ROBO1: variants seen among roughly 807,000 people sequenced by gnomAD.
ROBO1 encodes roundabout homolog 1.
In ROBO1, 149 loss-of-function variants were observed where a neutral mutation model predicts 195.9. That is an observed-to-expected ratio of 0.76 (90% CI 0.67 to 0.87). The LOEUF is 0.87. Ranked by LOEUF, ROBO1 falls within the 40% of genes least tolerant of loss-of-function variation. The pLI is 0.00. For missense variants in ROBO1, 1,933 were observed against 2,068.3 expected, an observed-to-expected ratio of 0.93 and a Z score of 1.27; for synonymous variants, 816 against 733.2, an observed-to-expected ratio of 1.11 and a Z score of -1.82.
At chr3:79,075,006 G>C (rs2079148682) in intron 3 of ROBO1, among the ~76,000 whole-genome samples, 1 of 151,790 alleles carries the variant, frequency 6.6e-6, no homozygotes, top group African/African-American at 2.4e-5. Flanking sequence ...ACAAGATAGA[G>C]GATATTAATA....
intron 2 of ROBO1, among the ~76,000 whole-genome samples, chr3:79,166,664 C>T (rs1325447134): frequency 6.6e-6 from 1 of 150,950 alleles, no homozygotes; most frequent in Non-Finnish European, 1.5e-5. Flanking sequence ...CTCCCGGGTT[C>T]GCGCCATTCT....
At chr3:79,505,703 C>T (rs1462570604) in intron 2 of ROBO1, among the ~76,000 whole-genome samples, 3 of 152,114 alleles carry the variant, frequency 2.0e-5, no homozygotes, top group East Asian at 1.9e-4. Flanking sequence ...GAAGAGCAAA[C>T]GTAGATTACT....
At chr3:78,966,597 T>C (rs779781453) in intron 3 of ROBO1, among the ~76,000 whole-genome samples, 3 of 152,208 alleles carry the variant, frequency 2.0e-5, no homozygotes, top group Non-Finnish European at 4.4e-5. Context: ...GTTAAGTCAC[T>C]GGTTTTCTCT....
intron 1 of ROBO1, among the ~76,000 whole-genome samples, chr3:79,683,114 A>AT (rs1442353890): frequency 4.3e-4 from 66 of 152,034 alleles, no homozygotes; most frequent in Admixed American, 3.9e-3. Flanking sequence ...AATATATTTG[A>AT]TTTTTTTCTA....
intron 4 of ROBO1, among the ~76,000 whole-genome samples, chr3:78,906,282 T>C (rs539278739): frequency 6.4e-4 from 98 of 152,214 alleles, no homozygotes; most frequent in African/African-American, 2.1e-3. Flanking sequence ...GCATTTCAAC[T>C]AGGCTCAAGT....
chr3:78,623,194 G>T (rs1381592791), intron 26 of ROBO1, among the ~76,000 whole-genome samples: 1 of 152,090 alleles, frequency 6.6e-6, no homozygotes, highest in Non-Finnish European at 1.5e-5. Flanking sequence ...AATGACAGAG[G>T]ATATATAGAG....
At chr3:79,013,701 A>G (rs934545110) in intron 3 of ROBO1, among the ~76,000 whole-genome samples, 5 of 152,224 alleles carry the variant, frequency 3.3e-5, no homozygotes, top group Admixed American at 1.3e-4. Context: ...CTTCTCTATG[A>G]TATAGTTTCT....
At chr3:79,010,034 C>T (rs184887763) in intron 3 of ROBO1, among the ~76,000 whole-genome samples, 349 of 152,138 alleles carry the variant, frequency 2.3e-3, no homozygotes, top group African/African-American at 8.0e-3. Flanking sequence ...GTGTGTAAAA[C>T]CAGGGTACAC....
At chr3:79,319,920 G>C (rs573171629) in intron 2 of ROBO1, among the ~76,000 whole-genome samples, 1 of 152,092 alleles carries the variant, frequency 6.6e-6, no homozygotes, top group Non-Finnish European at 1.5e-5. Context: ...TAATAATGCT[G>C]TAAGGTAATA....
chr3:79,111,066 T>A (rs1341841752), intron 3 of ROBO1, among the ~76,000 whole-genome samples: 1 of 152,174 alleles, frequency 6.6e-6, no homozygotes, highest in Non-Finnish European at 1.5e-5. Flanking sequence ...AATAGACTAT[T>A]ATGACTTTAG....
intron 3 of ROBO1, among the ~76,000 whole-genome samples, chr3:78,975,742 A>G (rs889392426): frequency 2.0e-5 from 3 of 152,210 alleles, no homozygotes; most frequent in African/African-American, 4.8e-5. Flanking sequence ...TGAATATGTG[A>G]TTACATAAGC....
chr3:79,437,565 G>C (rs2038928344), intron 2 of ROBO1, among the ~76,000 whole-genome samples: 1 of 152,000 alleles, frequency 6.6e-6, no homozygotes, highest in Non-Finnish European at 1.5e-5. Context: ...AAATGTGCAA[G>C]TTGAGACATA....
At chr3:79,060,559 G>T (rs1194629616) in intron 3 of ROBO1, among the ~76,000 whole-genome samples, 4 of 151,892 alleles carry the variant, frequency 2.6e-5, no homozygotes, top group Admixed American at 6.6e-5. Context: ...AAACAGAAAA[G>T]AACCTAAGTT....
chr3:79,167,467 A>G (rs972769693), intron 2 of ROBO1, among the ~76,000 whole-genome samples: 2 of 152,158 alleles, frequency 1.3e-5, no homozygotes, highest in African/African-American at 2.4e-5. Context: ...TATAACTTAT[A>G]TCTTTATAAC....
At chr3:79,195,199 T>A (rs897335955) in intron 2 of ROBO1, among the ~76,000 whole-genome samples, 2 of 151,526 alleles carry the variant, frequency 1.3e-5, no homozygotes, top group African/African-American at 4.8e-5. Flanking sequence ...AAAATGGGAA[T>A]AATAATAATA....
intron 2 of ROBO1, among the ~76,000 whole-genome samples, chr3:79,556,712 C>T (rs559717218): frequency 2.0e-5 from 3 of 151,842 alleles, no homozygotes; most frequent in Admixed American, 6.6e-5. Flanking sequence ...AAAACACTAT[C>T]ATTTCATCAT....
chr3:78,646,112 T>TC (rs35917108), intron 21 of ROBO1, 36 bp downstream of exon 21: 5 of 1,573,974 alleles, frequency 3.2e-6, no homozygotes, highest in Non-Finnish European at 4.4e-6. Flanking sequence ...TATTTGGAAT[T>TC]CCCTGTAGGA....
intron 1 of ROBO1, among the ~76,000 whole-genome samples, chr3:79,651,991 C>T (rs547077765): frequency 6.6e-6 from 1 of 152,226 alleles, no homozygotes; most frequent in African/African-American, 2.4e-5. Context: ...AGCAATTGCT[C>T]AACCTCAACT....
intron 4 of ROBO1, among the ~76,000 whole-genome samples, chr3:78,923,049 C>T (rs1353163967): frequency 6.6e-6 from 1 of 151,936 alleles, no homozygotes; most frequent in African/African-American, 2.4e-5. Context: ...AATTATTTTC[C>T]AATAGTTATC....
Sources: allele counts gnomAD v4.1 joint callset (sites outside exome capture counted in the v4.1 genomes callset), GRCh38; gene constraint gnomAD v4.1.1; transcripts MANE v1.5; gene names NCBI Gene and HGNC (gene_info 2026-07-23, HGNC 2026-07-21).